The following EYS variants were observed in gnomAD, a reference collection of about 807,000 sequenced individuals.
The protein encoded by EYS is EGF-like photoreceptor maintenance factor.
EYS carries 250 observed loss-of-function variants against 282.1 expected under a neutral mutation model. The ratio of observed to expected loss-of-function variants is 0.89; its 90% CI spans 0.80 to 0.98. The LOEUF (loss-of-function observed/expected upper bound fraction) is 0.98, where lower values mean the gene tolerates loss of function less well. Ranked by LOEUF, EYS falls within the 50% of genes least tolerant of loss-of-function variation. The probability of loss-of-function intolerance (pLI) is 0.00; values close to 1 mark genes in which losing one functional copy is unlikely to be tolerated. For synonymous variants in EYS, 1,355 were observed against 1,282.9 expected, an observed-to-expected ratio of 1.06 and a Z score of -1.20; for missense variants, 4,016 against 3,709.0, an observed-to-expected ratio of 1.08 and a Z score of -2.15.
At chr6:64,961,100 A>G (rs1175878725) in intron 14 of EYS, among the ~76,000 whole-genome samples, 2 of 152,164 alleles carry the variant, frequency 1.3e-5, no homozygotes, top group Non-Finnish European at 2.9e-5. Flanking sequence ...TGTGAATAGT[A>G]CCAGAGTGAA....
At chr6:65,133,828 C>A (rs1386506026) in intron 12 of EYS, among the ~76,000 whole-genome samples, 1 of 151,866 alleles carries the variant, frequency 6.6e-6, no homozygotes, top group Non-Finnish European at 1.5e-5. Flanking sequence ...ACAGGGTAAA[C>A]AGACAACCTA....
rs192604961 is a variant in EYS, at chr6:65,537,322, T to G, written c.-332-41329A>C. On this transcript the variant is annotated intron_variant, in intron 2 of 42. Coordinates refer to ENST00000503581, the MANE Select transcript of EYS (RefSeq NM_001142800.2). The stretch of plus-strand genomic sequence containing the variant: ...GTAACAAACCTCCAAGTTCTGCACA[T>G]GTATCCCCTAACTTAAAGTATAATA... 8.6e-4 allele frequency among the ~76,000 whole-genome samples: 131 copies of G among 152,280 alleles called. 4 individuals are homozygous for G. The highest frequency in any genetic ancestry group is 8.2e-3 in the Admixed American group (125 of 15,276).
At chr6:64,470,567 C>T (rs1175232102) in intron 26 of EYS, among the ~76,000 whole-genome samples, 1 of 74,472 alleles carries the variant, frequency 1.3e-5, no homozygotes, top group Admixed American at 1.4e-4. Flanking sequence ...TTGGGCCACA[C>T]ATAAAATACA....
intron 29 of EYS, among the ~76,000 whole-genome samples, chr6:64,331,964 C>A (rs1378477913): frequency 6.6e-6 from 1 of 152,210 alleles, no homozygotes; most frequent in Non-Finnish European, 1.5e-5. Context: ...GACATTATTT[C>A]TAGATTTTGA....
In EYS at chr6:65,264,212, C is replaced by T. The variant is rs565870936; in HGVS notation, c.2023+31651G>A. Among the ~76,000 whole-genome samples the T allele has an allele frequency of 1.7e-3, 258 of 152,082 alleles. 4 individuals carry two copies. The highest frequency in any genetic ancestry group is 6.8e-3 in the Middle Eastern group (2 of 294). The stretch of plus-strand genomic sequence containing the variant: ...GAACCAATTTAAAGTTATTTACCAG[C>T]GAACAAAGGAAAGTGTTACCAAAAA... On this transcript the variant is annotated intron_variant, in intron 12 of 42. Coordinates refer to ENST00000503581, the MANE Select transcript of EYS (RefSeq NM_001142800.2).
chr6:64,518,552 T>G (rs942420137), intron 26 of EYS, among the ~76,000 whole-genome samples: 1 of 151,828 alleles, frequency 6.6e-6, no homozygotes, highest in African/African-American at 2.4e-5. Flanking sequence ...TTAAAAATAG[T>G]CTTTAGTTGA....
rs568694330 is a variant in EYS at position 65,697,678 on chromosome 6, T to TA, written c.-448+9456dup. On this transcript the variant is annotated intron_variant, in intron 1 of 42. Transcript: ENST00000503581. ...GATTGGGTCCGAGGCATTTAGAATT[T>TA]AAAAACAACTAATCTAAATAGAAAG... Among the ~76,000 whole-genome samples, 233 of 85,730 alleles carry TA rather than the reference T, an allele frequency of 2.7e-3. 1 individual carries two copies. The highest frequency in any genetic ancestry group is 9.6e-3 in the African/African-American group (232 of 24,274). 56.2% of individuals were successfully genotyped at this position (85,730 alleles called of 152,430 possible).
At chr6:64,798,444 A>G (rs1219871641) in intron 22 of EYS, among the ~76,000 whole-genome samples, 2 of 151,938 alleles carry the variant, frequency 1.3e-5, no homozygotes, top group East Asian at 3.9e-4. Flanking sequence ...TAATTCTTGA[A>G]ATGTGATTAG....
chr6:64,278,732 C>CTCTCTCTT (rs1159483707), intron 30 of EYS, among the ~76,000 whole-genome samples: 3 of 152,020 alleles, frequency 2.0e-5, no homozygotes, highest in East Asian at 3.9e-4. Flanking sequence ...CTCTCTCTCT[C>CTCTCTCTT]TCTCTCTTTC....
intron 19 of EYS, among the ~76,000 whole-genome samples, chr6:64,839,065 A>C (rs1765480890): frequency 6.6e-6 from 1 of 152,012 alleles, no homozygotes. Flanking sequence ...TCATAACAGA[A>C]ATTCTGTCAT....
At chr6:65,546,453 T>G (rs1294930497) in intron 2 of EYS, among the ~76,000 whole-genome samples, 1 of 152,170 alleles carries the variant, frequency 6.6e-6, no homozygotes, top group African/African-American at 2.4e-5. Flanking sequence ...TTTAACTCAC[T>G]GATTAATGTG....
chr6:64,355,149 T>TA lies in EYS; in HGVS notation c.6078+33540dup, dbSNP rs1157366131. ...ATGCAAACTAAAATCAATACAGAATTAAAAAAAATTGTCCATGTGCTGCCT... is the reference window on the plus strand; with the variant it reads ...ATGCAAACTAAAATCAATACAGAATTAAAAAAAAATTGTCCATGTGCTGCCT... On this transcript the variant is annotated intron_variant, in intron 29 of 42. Coordinates refer to ENST00000503581, the MANE Select transcript of EYS (RefSeq NM_001142800.2). Among the ~76,000 whole-genome samples the TA allele has an allele frequency of 1.1e-4, 16 of 151,580 alleles. No homozygotes were observed. The East Asian group carries it at 2.5e-3, about 24-fold the overall frequency.
intron 5 of EYS, among the ~76,000 whole-genome samples, chr6:65,411,943 G>C (rs1695423003): frequency 1.3e-5 from 2 of 151,572 alleles, no homozygotes; most frequent in Non-Finnish European, 2.9e-5. Context: ...AAATTGCTAG[G>C]GACTGAAAAT....
rs368325023 is a variant in EYS at position 63,898,176 on chromosome 6, A to C, written c.7056-33818T>G. On this transcript the variant is annotated intron_variant, in intron 35 of 42. Coordinates refer to ENST00000503581, the MANE Select transcript of EYS (RefSeq NM_001142800.2). Reference sequence around the variant, plus strand: ...TTGGGTTTTTTCCTAACTAAATCACAGCAGTTCTGCATAAAAATATTTTGA... The same window carrying C: ...TTGGGTTTTTTCCTAACTAAATCACCGCAGTTCTGCATAAAAATATTTTGA... Among the ~76,000 whole-genome samples the C allele has an allele frequency of 1.6e-4, 25 of 152,328 alleles. No homozygotes were observed. The South Asian group carries it at 4.8e-3, about 29-fold the overall frequency.
chr6:64,121,903 C>A (rs148971052), intron 31 of EYS, among the ~76,000 whole-genome samples: 11 of 152,216 alleles, frequency 7.2e-5, no homozygotes, highest in Non-Finnish European at 1.5e-4. Context: ...GTCAATACAC[C>A]TGTTTTTGTT....
chr6:65,029,037 A>C (rs1467874767), intron 13 of EYS, among the ~76,000 whole-genome samples: 1 of 152,142 alleles, frequency 6.6e-6, no homozygotes, highest in Non-Finnish European at 1.5e-5. Flanking sequence ...TTTACTGCTG[A>C]AATTTCCTCC....
intron 29 of EYS, among the ~76,000 whole-genome samples, chr6:64,338,038 A>G (rs1770923514): frequency 6.6e-6 from 1 of 152,062 alleles, no homozygotes; most frequent in African/African-American, 2.4e-5. Flanking sequence ...GGATGGGGAA[A>G]AGTTGAAAAC....
At chr6:65,360,368 T>G (rs1196005747) in intron 8 of EYS, among the ~76,000 whole-genome samples, 2 of 151,908 alleles carry the variant, frequency 1.3e-5, no homozygotes, top group Admixed American at 6.6e-5. Context: ...ATTATATTAT[T>G]TAAATAAAAA....
chr6:64,275,451 C>CTTT (rs367970233), intron 30 of EYS, among the ~76,000 whole-genome samples: 5,010 of 140,252 alleles, frequency 0.036, 381 homozygotes, highest in African/African-American at 0.12. Context: ...TGTTCTATTT[C>CTTT]TTTTTTTTTT....
Sources: gnomAD v4.1 joint callset for allele counts (sites outside exome capture counted in the v4.1 genomes callset) on GRCh38, gnomAD v4.1.1 for gene constraint, MANE v1.5 for transcripts, NCBI Gene and HGNC (gene_info 2026-07-23, HGNC 2026-07-21) for gene names.